The following SPIRE1 variants were observed in gnomAD, a reference collection of about 807,000 sequenced individuals.
The protein encoded by SPIRE1 is protein spire homolog 1.
A neutral mutation model predicts 94.1 loss-of-function variants in SPIRE1; 40 were observed. That is an observed-to-expected ratio of 0.43 (90% CI 0.33 to 0.55). The LOEUF (loss-of-function observed/expected upper bound fraction) is 0.55. Ranked by LOEUF, SPIRE1 falls within the 20% of genes least tolerant of loss-of-function variation. The probability of loss-of-function intolerance (pLI) is 0.06; values close to 1 mark genes in which losing one functional copy is unlikely to be tolerated. For missense variants in SPIRE1, 838 were observed against 975.2 expected (o/e 0.86, Z 1.87); for synonymous variants, 376 against 371.7 (o/e 1.01, Z -0.13).
intron 9 of SPIRE1, among the ~76,000 whole-genome samples, chr18:12,484,544 T>G (rs1283048835): frequency 6.6e-6 from 1 of 152,204 alleles, no homozygotes; most frequent in African/African-American, 2.4e-5. Flanking sequence ...TCAATAAATA[T>G]TCATATACAG....
intron 2 of SPIRE1, among the ~76,000 whole-genome samples, chr18:12,585,656 T>C (rs542724671): frequency 6.6e-6 from 1 of 152,314 alleles, no homozygotes; most frequent in South Asian, 2.1e-4. Flanking sequence ...TAGTATGCTA[T>C]TAAACACAAT....
chr18:12,589,381 C>G (rs2036469610), intron 2 of SPIRE1, among the ~76,000 whole-genome samples: 1 of 152,082 alleles, frequency 6.6e-6, no homozygotes, highest in Non-Finnish European at 1.5e-5. Flanking sequence ...GACCCTGGAC[C>G]ACCACCCAGG....
chr18:12,616,731 G>C (rs761156975), intron 2 of SPIRE1, among the ~76,000 whole-genome samples: 24 of 152,160 alleles, frequency 1.6e-4, no homozygotes, highest in Non-Finnish European at 5.9e-5. Context: ...AGAAAAGCCA[G>C]GCAAGAGAGC....
intron 3 of SPIRE1, among the ~76,000 whole-genome samples, chr18:12,544,770 A>C (rs1247264310): frequency 6.6e-6 from 1 of 152,238 alleles, no homozygotes; most frequent in East Asian, 1.9e-4. Context: ...CTAAATGTCC[A>C]ATAATTTTTT....
chr18:12,635,913 C>A (rs1421468655), intron 1 of SPIRE1, among the ~76,000 whole-genome samples: 1 of 149,870 alleles, frequency 6.7e-6, no homozygotes, highest in Non-Finnish European at 1.5e-5. Flanking sequence ...TTTTGAGAAG[C>A]AGTCTCACTC....
At chr18:12,541,754 A>T (rs955448588) in intron 3 of SPIRE1, among the ~76,000 whole-genome samples, 6 of 152,156 alleles carry the variant, frequency 3.9e-5, no homozygotes, top group African/African-American at 1.4e-4. Flanking sequence ...TGCAGTCTAA[A>T]AATCTGTGTC....
chr18:12,658,050 G>A lies in SPIRE1; in HGVS notation c.-184C>T. On this transcript the variant is annotated 5_prime_UTR_variant, in exon 1 of 17. Coordinates refer to ENST00000409402, the MANE Select transcript of SPIRE1 (RefSeq NM_001128626.2). ...GGCGTGGGCAAGAGGAGGGCGGCGA[G>A]GACACGGCTGCAGTCCCGGTCAGAC... is the stretch of plus-strand genomic sequence containing the variant. The A allele has an allele frequency of 2.0e-6, 2 of 991,520 alleles. No homozygotes were observed. The highest frequency in any genetic ancestry group is 2.4e-6 in the Non-Finnish European group (2 of 834,982). The allele number at this position is 991,520 out of a possible 1,614,324, so 61.4% of individuals were successfully genotyped here.
intron 4 of SPIRE1, among the ~76,000 whole-genome samples, chr18:12,513,841 GATTT>G (rs1381711681): frequency 2.0e-5 from 3 of 151,382 alleles, no homozygotes; most frequent in African/African-American, 7.3e-5. Flanking sequence ...TTATTTTTAA[GATTT>G]ATTTATTTAT....
At chr18:12,538,011 A>T (rs2034892362) in intron 3 of SPIRE1, among the ~76,000 whole-genome samples, 2 of 152,100 alleles carry the variant, frequency 1.3e-5, no homozygotes, top group African/African-American at 4.8e-5. Flanking sequence ...CCTAAAATTC[A>T]TATGGAATTG....
chr18:12,635,409 C>G (rs1598565862), intron 1 of SPIRE1, among the ~76,000 whole-genome samples: 1 of 151,710 alleles, frequency 6.6e-6, no homozygotes, highest in Non-Finnish European at 1.5e-5. Flanking sequence ...GTCTTGCTTT[C>G]TTTTAAGAAA....
chr18:12,595,818 G>T (rs2036656122), intron 2 of SPIRE1, among the ~76,000 whole-genome samples: 1 of 152,180 alleles, frequency 6.6e-6, no homozygotes, highest in African/African-American at 2.4e-5. Context: ...AAGTACTGAG[G>T]ACAGAGACCT....
intron 2 of SPIRE1, among the ~76,000 whole-genome samples, chr18:12,552,479 ACC>A (rs1364805537): frequency 6.6e-6 from 1 of 152,010 alleles, no homozygotes; most frequent in Non-Finnish European, 1.5e-5. Flanking sequence ...AAGGGAGGAG[ACC>A]ACCCCTCATA....
intron 2 of SPIRE1, among the ~76,000 whole-genome samples, chr18:12,587,031 T>C (rs991964776): frequency 2.6e-5 from 4 of 152,242 alleles, no homozygotes; most frequent in African/African-American, 9.6e-5. Flanking sequence ...TGTATGTTAT[T>C]GTAAATCCTT....
intron 10 of SPIRE1, among the ~76,000 whole-genome samples, chr18:12,472,854 G>A (rs912633645): frequency 4.6e-5 from 7 of 152,070 alleles, no homozygotes; most frequent in South Asian, 2.1e-4. Context: ...GTGCAGTGGC[G>A]TGATCTTGGC....
At chr18:12,469,589 ATAT>A (rs1323801126) in intron 10 of SPIRE1, among the ~76,000 whole-genome samples, 2 of 144,948 alleles carry the variant, frequency 1.4e-5, no homozygotes, top group East Asian at 3.9e-4. Flanking sequence ...TATATAGTAT[ATAT>A]TATTTATATA....
intron 2 of SPIRE1, among the ~76,000 whole-genome samples, chr18:12,616,870 A>T (rs1249061112): frequency 3.3e-5 from 5 of 151,828 alleles, no homozygotes; most frequent in African/African-American, 4.8e-5. Flanking sequence ...TATCATTATT[A>T]TTTTTTTTAG....
At chr18:12,632,112 A>G (rs1825808217) in intron 2 of SPIRE1, among the ~76,000 whole-genome samples, 1 of 152,156 alleles carries the variant, frequency 6.6e-6, no homozygotes, top group African/African-American at 2.4e-5. Flanking sequence ...CATGCCTCCA[A>G]AAACTCCATG....
intron 12 of SPIRE1, among the ~76,000 whole-genome samples, chr18:12,461,563 A>G (rs1024014997): frequency 1.2e-4 from 16 of 130,418 alleles, no homozygotes; most frequent in South Asian, 4.6e-4. Flanking sequence ...ACATGCGTGT[A>G]TATGTATGTA....
chr18:12,538,026 G>C (rs910623299), intron 3 of SPIRE1, among the ~76,000 whole-genome samples: 2 of 151,934 alleles, frequency 1.3e-5, no homozygotes, highest in African/African-American at 4.8e-5. Flanking sequence ...GAATTGCAAG[G>C]GGCCCCTTGC....
Sources: allele counts gnomAD v4.1 joint callset (sites outside exome capture counted in the v4.1 genomes callset), GRCh38; gene constraint gnomAD v4.1.1; transcripts MANE v1.5; gene names NCBI Gene and HGNC (gene_info 2026-07-23, HGNC 2026-07-21).